The following COL6A3 variants were observed in gnomAD, a reference collection of about 807,000 sequenced individuals.
The protein encoded by COL6A3 is collagen type VI alpha 3 chain, also known as collagen alpha-3(VI) chain.
Under a neutral mutation model 274.1 loss-of-function variants are expected in COL6A3, and 137 were observed. That is an observed-to-expected ratio of 0.50 (90% CI 0.44 to 0.58). The LOEUF (loss-of-function observed/expected upper bound fraction) is 0.58. COL6A3 is among the 20% of genes least tolerant of loss of function. The pLI, the probability that COL6A3 is intolerant of heterozygous loss-of-function variation, is 0.00. For synonymous variants in COL6A3, 1,650 were observed against 1,650.6 expected (o/e 1.00, Z 0.01); for missense variants, 3,950 against 4,124.9 (o/e 0.96, Z 1.16).
chr2:237,357,276 T>G, intron 23 of COL6A3, 62 bp downstream of exon 23: 1 of 1,424,760 alleles, frequency 7.0e-7, no homozygotes, highest in East Asian at 2.3e-5. Context: ...CAGGTCATGT[T>G]GGGCAGATCT....
Position 237,359,204 on chromosome 2 carries a change from A to G in COL6A3, c.6354+2T>C. On this transcript the variant is annotated splice_donor_variant, in intron 19 of 43. Coordinates refer to ENST00000295550, the MANE Select transcript of COL6A3 (RefSeq NM_004369.4). LOFTEE classifies it high-confidence loss of function. ...GTTTGGACTTAGAGTAAAATCACTT[A>G]CATCTTCACCATCCAGACCATCCAG... 1 of 1,614,244 alleles carries G rather than the reference A, an allele frequency of 6.2e-7. No individual in the cohort carries two copies. The highest frequency in any genetic ancestry group is 8.5e-7 in the Non-Finnish European group (1 of 1,180,028).
At chr2:237,367,371 G>T in intron 10 of COL6A3, 85 bp from the exon 11 acceptor site, 1 of 1,453,624 alleles carries the variant, frequency 6.9e-7, no homozygotes, top group Non-Finnish European at 9.3e-7. Flanking sequence ...TTAAATAACT[G>T]AAATAAGACA....
rs372628119 is a variant in COL6A3 at position 237,395,094 on chromosome 2, A to C, written c.202T>G (p.Ser68Ala). The change falls in exon 3 of 44, where the codon TCC becomes GCC. Residue 68 changes from serine (S) to alanine (A), a missense_variant. By Grantham distance (99) the Ser-to-Ala change is moderately conservative (BLOSUM62 1). Around this residue, in one of 5 missense-constraint regions of COL6A3, gnomAD observed 1,934 missense variants for 1,984.3 expected, o/e 0.97. Transcript: ENST00000295550. ...AAATCATTTTCTCCCACAGCTAAGG[A>C]TTTTACAACATCATATAGAAACTCT... is the stretch of plus-strand genomic sequence containing the variant. ...VREFLYDVVK[S>A]LAVGENDFHF... 2 of 1,614,082 alleles carry C rather than the reference A, an allele frequency of 1.2e-6. No individual in the cohort carries two copies. Among genetic ancestry groups the C allele is most frequent in the Non-Finnish European group, 1.7e-6 (2 of 1,180,010 alleles).
chr2:237,349,453 G>A (rs990165421), intron 28 of COL6A3, among the ~76,000 whole-genome samples: 11 of 152,274 alleles, frequency 7.2e-5, no homozygotes, highest in East Asian at 1.9e-4. Flanking sequence ...AAACAGATTC[G>A]TTTTTAAACT....
chr2:237,335,052 G>A (rs1700465230), intron 40 of COL6A3, among the ~76,000 whole-genome samples, 163 bp from the exon 41 acceptor site: 1 of 152,138 alleles, frequency 6.6e-6, no homozygotes, highest in African/African-American at 2.4e-5. Flanking sequence ...AAAAAACATT[G>A]CTCTTATAAT....
At chr2:237,327,713 G>A (rs1295413316) in intron 42 of COL6A3, 5 of 152,072 alleles carry the variant, frequency 3.3e-5, no homozygotes, top group Non-Finnish European at 2.9e-5. Context: ...TGAAAACGGA[G>A]GATTTTATGT....
In COL6A3 at chr2:237,352,420, G is replaced by A. The variant is rs140765285; in HGVS notation, c.6753+102C>T. ...TGTTGCCAAAGAGGAGAGCTAAAGG[G>A]AGGTCTGTCTACAATAGCATCATCC... On this transcript the variant is annotated intron_variant, in intron 26 of 43. Transcript: ENST00000295550. 10 of 1,145,008 alleles carry A rather than the reference G, an allele frequency of 8.7e-6. No homozygotes were observed. The Admixed American group carries it at 2.0e-4, about 23-fold the overall frequency. 70.9% of individuals were successfully genotyped at this position (1,145,008 alleles called of 1,614,324 possible). A position where few individuals can be genotyped will look rare whatever the true frequency, so the allele number is the denominator to read the frequency against.
At chr2:237,334,515 T>G (rs1700429343) in intron 41 of COL6A3, 111 bp downstream of exon 41, 1 of 1,256,456 alleles carries the variant, frequency 8.0e-7, no homozygotes, top group Admixed American at 2.0e-5. Flanking sequence ...TTGTTGTTTT[T>G]TGAATTTGTG....
chr2:237,334,878 G>C lies in COL6A3; in HGVS notation c.8977C>G (p.Arg2993Gly), dbSNP rs148318789. ...GTTATCTCAAACACCTGGACTTCAC[G>C]GGACATCTTAACTGAAAGATAGATC... ...ATTKPMVKMS[R>G]EVQVFEITEN... Residue 2993 changes from arginine (R) to glycine (G), a missense_variant, in exon 41 of 44, where the codon CGT (arginine) becomes GGT (glycine). By Grantham distance (125) the Arg-to-Gly change is moderately radical. Transcript: ENST00000295550. 4 of 1,614,072 alleles carry C rather than the reference G, an allele frequency of 2.5e-6. No individual in the cohort carries two copies. The highest frequency in any genetic ancestry group is 3.3e-5 in the Admixed American group (2 of 60,026).
At chr2:237,378,088 C>T (rs2077899098) in intron 6 of COL6A3, among the ~76,000 whole-genome samples, 1 of 152,194 alleles carries the variant, frequency 6.6e-6, no homozygotes, top group Admixed American at 6.5e-5. Context: ...AGATCTGATA[C>T]AACCATATCT....
chr2:237,353,313 G>A (rs1230601061), intron 25 of COL6A3, 28 bp downstream of exon 25: 5 of 1,605,574 alleles, frequency 3.1e-6, no homozygotes, highest in East Asian at 2.2e-5. Flanking sequence ...ATATCAGAGG[G>A]CACACAGTCA....
At chr2:237,410,330 G>A (rs2078826157) in intron 1 of COL6A3, among the ~76,000 whole-genome samples, 2 of 149,390 alleles carry the variant, frequency 1.3e-5, no homozygotes, top group Non-Finnish European at 3.0e-5. Flanking sequence ...CTGAAACAGG[G>A]TCTGGTTCTG....
At chr2:237,331,037 G>T (rs1189773964) in intron 42 of COL6A3, among the ~76,000 whole-genome samples, 2 of 152,144 alleles carry the variant, frequency 1.3e-5, no homozygotes, top group Non-Finnish European at 2.9e-5. Flanking sequence ...TACTAAGAAA[G>T]GGACCCATCT....
chr2:237,373,594 C>A (rs2077749925), intron 8 of COL6A3, among the ~76,000 whole-genome samples: 1 of 152,168 alleles, frequency 6.6e-6, no homozygotes. Context: ...TGCTTTTACT[C>A]CTTCCTCCGC....
intron 26 of COL6A3, among the ~76,000 whole-genome samples, chr2:237,351,456 T>C (rs938559140): frequency 3.9e-5 from 6 of 152,254 alleles, no homozygotes. Context: ...GTTGCAGTTA[T>C]TAATGTACAT....
rs1279920173 is a variant in COL6A3, at chr2:237,374,776, G to A, written c.3315C>T (p.Thr1105=). ...VRQLTLLGGP[T]PNTGAALEFV... is the part of the protein sequence containing the mutation. Reference sequence around the variant, plus strand: ...ACTCCAGGGCGGCCCCGGTGTTGGGGGTCGGCCCTCCCAGCAGGGTCAGCT... The same window carrying A: ...ACTCCAGGGCGGCCCCGGTGTTGGGAGTCGGCCCTCCCAGCAGGGTCAGCT... The change falls in exon 8 of 44, where the codon ACC becomes ACT. Residue 1105 remains threonine, a synonymous_variant. Transcript: ENST00000295550. This position sits in a 1 kb window ranked among gnomAD's most constrained non-coding sequence, Gnocchi z 4.8. 6 of 1,614,024 alleles carry A rather than the reference G, an allele frequency of 3.7e-6. No homozygotes were observed. In the South Asian group the frequency reaches 5.5e-5, roughly 15 times the overall value.
chr2:237,353,475 C>A (rs2077250985), intron 24 of COL6A3, 72 bp from the exon 25 acceptor site: 1 of 1,357,816 alleles, frequency 7.4e-7, no homozygotes, highest in South Asian at 1.2e-5. Context: ...GCTCTACAGT[C>A]ATTTCTGGGC....
intron 26 of COL6A3, 74 bp downstream of exon 26, chr2:237,352,448 G>T: frequency 1.4e-6 from 2 of 1,435,056 alleles, no homozygotes; most frequent in Non-Finnish European, 1.9e-6. Flanking sequence ...CATCATCCGA[G>T]AAACTCTCTC....
At chr2:237,391,235 G>T (rs972735102) in intron 3 of COL6A3, among the ~76,000 whole-genome samples, 36 of 151,416 alleles carry the variant, frequency 2.4e-4, no homozygotes, top group Admixed American at 3.9e-4. Flanking sequence ...ATGTTAATTA[G>T]AAAAGACACA....
Sources: gnomAD v4.1 joint callset for allele counts (sites outside exome capture counted in the v4.1 genomes callset) on GRCh38, gnomAD v4.1.1 for gene constraint, gnomAD v4.1.1 regional missense constraint, Gnocchi (gnomAD v3.1) non-coding constraint, MANE v1.5 for transcripts, NCBI Gene and HGNC (gene_info 2026-07-23, HGNC 2026-07-21) for gene names.